The following ST6GALNAC3 variants were observed in gnomAD, a reference collection of about 807,000 sequenced individuals.
ST6GALNAC3 encodes the protein ST6 N-acetylgalactosaminide alpha-2,6-sialyltransferase 3.
Under a neutral mutation model 32.7 loss-of-function variants are expected in ST6GALNAC3, and 25 were observed. The ratio of observed to expected loss-of-function variants is 0.76; its 90% CI spans 0.56 to 1.07. ST6GALNAC3 has a LOEUF of 1.07. ST6GALNAC3 is among the 50% of genes least tolerant of loss of function. ST6GALNAC3 has a pLI of 0.00. For missense variants in ST6GALNAC3, 355 were observed against 382.4 expected, an observed-to-expected ratio of 0.93 and a Z score of 0.60; for synonymous variants, 129 against 133.1, an observed-to-expected ratio of 0.97 and a Z score of 0.21.
At chr1:76,461,638 A>G (rs1478739380) in intron 3 of ST6GALNAC3, among the ~76,000 whole-genome samples, 1 of 152,122 alleles carries the variant, frequency 6.6e-6, no homozygotes, top group Non-Finnish European at 1.5e-5. Flanking sequence ...TTAACTTGGG[A>G]TACCATTTTG....
intron 3 of ST6GALNAC3, among the ~76,000 whole-genome samples, chr1:76,554,118 A>G (rs1300693827): frequency 1.3e-5 from 2 of 152,184 alleles, no homozygotes; most frequent in African/African-American, 4.8e-5. Context: ...CCCCTTCATC[A>G]TGTAGAACAT....
intron 3 of ST6GALNAC3, among the ~76,000 whole-genome samples, chr1:76,521,530 T>A (rs1662538472): frequency 6.6e-6 from 1 of 152,116 alleles, no homozygotes; most frequent in Non-Finnish European, 1.5e-5. Context: ...TATATTCACT[T>A]ATGTTTACCC....
At chr1:76,568,389 T>G (rs1173925674) in intron 3 of ST6GALNAC3, among the ~76,000 whole-genome samples, 1 of 152,196 alleles carries the variant, frequency 6.6e-6, no homozygotes, top group African/African-American at 2.4e-5. Flanking sequence ...CCAAAGCCTA[T>G]CTACAGAAAT....
At chr1:76,115,719 T>A (rs111876366) in intron 1 of ST6GALNAC3, among the ~76,000 whole-genome samples, 3 of 152,324 alleles carry the variant, frequency 2.0e-5, no homozygotes, top group African/African-American at 7.2e-5. Context: ...CCCTTATGCC[T>A]TCAGGGCTGT....
intron 1 of ST6GALNAC3, among the ~76,000 whole-genome samples, chr1:76,181,271 A>T (rs72674473): frequency 6.6e-6 from 1 of 152,190 alleles, no homozygotes; most frequent in African/African-American, 2.4e-5. Flanking sequence ...TCAGACATGG[A>T]TAGAATTTCA....
At chr1:76,607,360 G>A (rs140126524) in intron 3 of ST6GALNAC3, among the ~76,000 whole-genome samples, 30 of 152,256 alleles carry the variant, frequency 2.0e-4, no homozygotes, top group African/African-American at 5.3e-4. Flanking sequence ...GGCCATTGAT[G>A]GTTGAGCTCA....
intron 1 of ST6GALNAC3, among the ~76,000 whole-genome samples, chr1:76,265,889 T>C (rs907182445): frequency 6.6e-6 from 1 of 152,166 alleles, no homozygotes; most frequent in African/African-American, 2.4e-5. Context: ...TCATTCCCGC[T>C]CCCTAAGGAT....
chr1:76,375,242 C>T (rs1651130602), intron 2 of ST6GALNAC3, among the ~76,000 whole-genome samples: 1 of 152,090 alleles, frequency 6.6e-6, no homozygotes, highest in South Asian at 2.1e-4. Flanking sequence ...GGGAATTATA[C>T]TTTGGATTGA....
chr1:76,407,590 G>A (rs1260633099), intron 2 of ST6GALNAC3, among the ~76,000 whole-genome samples: 1 of 151,906 alleles, frequency 6.6e-6, no homozygotes, highest in East Asian at 1.9e-4. Flanking sequence ...CACAGCTGAA[G>A]CCCAGTGAAA....
intron 1 of ST6GALNAC3, among the ~76,000 whole-genome samples, chr1:76,171,359 A>G (rs1017615926): frequency 6.6e-6 from 1 of 152,174 alleles, no homozygotes; most frequent in Non-Finnish European, 1.5e-5. Flanking sequence ...AAGGAAAAAA[A>G]TCCAGCATTA....
intron 1 of ST6GALNAC3, among the ~76,000 whole-genome samples, chr1:76,089,294 G>A (rs2100743603): frequency 6.6e-6 from 1 of 152,186 alleles, no homozygotes; most frequent in East Asian, 1.9e-4. Context: ...CTCGTGATCT[G>A]CCCGCCTTGG....
At chr1:76,408,085 CA>C (rs1653961202) in intron 2 of ST6GALNAC3, among the ~76,000 whole-genome samples, 1 of 152,036 alleles carries the variant, frequency 6.6e-6, no homozygotes, top group African/African-American at 2.4e-5. Flanking sequence ...AAGGTGCCTT[CA>C]GATGTATAAA....
chr1:76,525,420 T>C (rs1221272005), intron 3 of ST6GALNAC3, among the ~76,000 whole-genome samples: 2 of 152,166 alleles, frequency 1.3e-5, no homozygotes. Flanking sequence ...CACTAAAAAA[T>C]ACAATTGCCG....
chr1:76,179,581 C>T (rs1009426825), intron 1 of ST6GALNAC3, among the ~76,000 whole-genome samples: 2 of 152,164 alleles, frequency 1.3e-5, no homozygotes, highest in African/African-American at 4.8e-5. Context: ...CAGGTTCCTC[C>T]CTTTTACTCA....
chr1:76,268,615 G>A (rs1473812953), intron 1 of ST6GALNAC3, among the ~76,000 whole-genome samples: 1 of 152,144 alleles, frequency 6.6e-6, no homozygotes, highest in East Asian at 1.9e-4. Flanking sequence ...ACTCCAAGAG[G>A]CATTTCATTT....
At chr1:76,082,120 T>C (rs1646904615) in intron 1 of ST6GALNAC3, among the ~76,000 whole-genome samples, 1 of 152,194 alleles carries the variant, frequency 6.6e-6, no homozygotes, top group Admixed American at 6.5e-5. Flanking sequence ...TGAAAGCTTC[T>C]CCCCAGGAGA....
At chr1:76,477,441 G>C (rs1367497180) in intron 3 of ST6GALNAC3, among the ~76,000 whole-genome samples, 1 of 152,134 alleles carries the variant, frequency 6.6e-6, no homozygotes, top group African/African-American at 2.4e-5. Flanking sequence ...GTTGGGGTCA[G>C]TCTTAGCAGA....
At chr1:76,615,194 T>C (rs1444188283) in intron 3 of ST6GALNAC3, among the ~76,000 whole-genome samples, 1 of 152,174 alleles carries the variant, frequency 6.6e-6, no homozygotes, top group African/African-American at 2.4e-5. Flanking sequence ...GTCCAGTTCA[T>C]GAGGAATGAA....
downstream of ST6GALNAC3, among the ~76,000 whole-genome samples, chr1:76,636,443 TAAAA>T (rs1649506917): frequency 6.6e-6 from 1 of 152,200 alleles, no homozygotes; most frequent in African/African-American, 2.4e-5. Flanking sequence ...TTTTACTGCA[TAAAA>T]TATAATTGCT....
Sources: gnomAD v4.1 joint callset for allele counts (sites outside exome capture counted in the v4.1 genomes callset) on GRCh38, gnomAD v4.1.1 for gene constraint, MANE v1.5 for transcripts, NCBI Gene and HGNC (gene_info 2026-07-23, HGNC 2026-07-21) for gene names.